The following SNX30 variants were observed in gnomAD, a reference collection of about 807,000 sequenced individuals.
The protein encoded by SNX30 is sorting nexin-30.
In SNX30, 24 loss-of-function variants were observed where a neutral mutation model predicts 46.4. The ratio of observed to expected loss-of-function variants is 0.52; its 90% CI spans 0.37 to 0.73. The LOEUF is 0.73. SNX30 is among the 30% of genes least tolerant of loss of function. The pLI is 0.00. For synonymous variants in SNX30, 189 were observed against 211.5 expected (o/e 0.89, Z 0.92); for missense variants, 533 against 555.7 (o/e 0.96, Z 0.41).
At chr9:112,768,259 A>G (rs1019005628) in intron 1 of SNX30, among the ~76,000 whole-genome samples, 5 of 151,696 alleles carry the variant, frequency 3.3e-5, no homozygotes, top group African/African-American at 1.2e-4. Flanking sequence ...TTGCTTTCCC[A>G]CCCGTGCTAA....
At chr9:112,798,121 CTTTTTT>C (rs57300324) in intron 1 of SNX30, among the ~76,000 whole-genome samples, 1 of 77,884 alleles carries the variant, frequency 1.3e-5, no homozygotes, top group African/African-American at 5.1e-5. Flanking sequence ...TTTTTTTTTT[CTTTTTT>C]TTTTTTTTTT....
chr9:112,751,321 C>T (rs1198137879), intron 1 of SNX30, among the ~76,000 whole-genome samples, 164 bp downstream of exon 1: 1 of 152,178 alleles, frequency 6.6e-6, no homozygotes, highest in Non-Finnish European at 1.5e-5. Context: ...GTCTCCTCTG[C>T]CGCCTCCGCG....
chr9:112,772,459 A>G (rs1478579059), intron 1 of SNX30, among the ~76,000 whole-genome samples: 1 of 152,120 alleles, frequency 6.6e-6, no homozygotes, highest in Non-Finnish European at 1.5e-5. Flanking sequence ...GATAGGCTAG[A>G]CATTGTTTAG....
At chr9:112,837,246 A>G (rs1588133361) in intron 5 of SNX30, among the ~76,000 whole-genome samples, 1 of 151,502 alleles carries the variant, frequency 6.6e-6, no homozygotes, top group East Asian at 2.0e-4. Flanking sequence ...TGTTCCCTCT[A>G]CTTGACCCAC....
chr9:112,882,685 G>T (rs1841595546), downstream of SNX30, among the ~76,000 whole-genome samples: 1 of 152,242 alleles, frequency 6.6e-6, no homozygotes, highest in African/African-American at 2.4e-5. Context: ...TGATTGATTG[G>T]AGGTGGGGGG....
chr9:112,803,977 G>T (rs1202018384), intron 1 of SNX30, among the ~76,000 whole-genome samples: 1 of 134,250 alleles, frequency 7.4e-6, no homozygotes, highest in Non-Finnish European at 1.6e-5. Flanking sequence ...GTGAGGCAAT[G>T]CCTCGCCCTG....
At chr9:112,862,709 C>T (rs1035453553) in intron 7 of SNX30, among the ~76,000 whole-genome samples, 3 of 151,900 alleles carry the variant, frequency 2.0e-5, no homozygotes, top group Admixed American at 2.0e-4. Context: ...CGAGACCAGC[C>T]TGGACAACAT....
intron 1 of SNX30, among the ~76,000 whole-genome samples, chr9:112,763,413 C>T (rs980440671): frequency 1.0e-4 from 11 of 109,160 alleles, no homozygotes; most frequent in South Asian, 6.8e-4. Flanking sequence ...TAGAGAGAGG[C>T]GTCTCACTAT....
In SNX30 at chr9:112,851,105, C is replaced by T. The variant is rs368000580; in HGVS notation, c.1101+160C>T. 3.3e-5 allele frequency among the ~76,000 whole-genome samples: 5 copies of T among 152,292 alleles called. No homozygotes were observed. The highest frequency in any genetic ancestry group is 1.2e-4 in the African/African-American group (5 of 41,558). On this transcript the variant is annotated intron_variant, in intron 7 of 8. Transcript: ENST00000374232. The stretch of plus-strand genomic sequence containing the variant: ...CACTCCCTTTTCTGTCCTATTTCTG[C>T]GAGTTCCTAGTGTTCACTTGGGATT...
chr9:112,838,290 A>G (rs1840796304), intron 5 of SNX30, among the ~76,000 whole-genome samples: 1 of 152,170 alleles, frequency 6.6e-6, no homozygotes, highest in South Asian at 2.1e-4. Context: ...ACGGGATGGA[A>G]TGGATTGATG....
chr9:112,797,870 G>GGT lies in SNX30; in HGVS notation c.157-6905_157-6904dup, dbSNP rs1318647910. Among the ~76,000 whole-genome samples, 481 of 109,036 alleles carry GGT rather than the reference G, an allele frequency of 4.4e-3. 2 individuals carry two copies. Among genetic ancestry groups the GGT allele is most frequent in the Non-Finnish European group, 5.2e-3 (291 of 55,878 alleles). 71.5% of individuals were successfully genotyped at this position (109,036 alleles called of 152,430 possible). ...CACGCCACCGTGCCCAGCTAATATTGGTATTTTTTTTTTTTTTTTTTTTAG... is the reference window on the plus strand; with the variant it reads ...CACGCCACCGTGCCCAGCTAATATTGGTGTATTTTTTTTTTTTTTTTTTTTAG... On this transcript the variant is annotated intron_variant, in intron 1 of 8. Coordinates refer to ENST00000374232, the MANE Select transcript of SNX30 (RefSeq NM_001012994.2).
chr9:112,789,483 G>C (rs936993280), intron 1 of SNX30, among the ~76,000 whole-genome samples: 1 of 152,128 alleles, frequency 6.6e-6, no homozygotes, highest in Non-Finnish European at 1.5e-5. Context: ...CCCAACTAAA[G>C]TTATTTAAAC....
intron 1 of SNX30, among the ~76,000 whole-genome samples, chr9:112,761,055 G>A (rs1839426471): frequency 6.6e-6 from 1 of 152,228 alleles, no homozygotes; most frequent in Non-Finnish European, 1.5e-5. Flanking sequence ...GAGAGACGAG[G>A]TGGGTAGACA....
At chr9:112,779,026 T>C (rs1414249766) in intron 1 of SNX30, among the ~76,000 whole-genome samples, 2 of 152,162 alleles carry the variant, frequency 1.3e-5, no homozygotes, top group Admixed American at 1.3e-4. Context: ...GCTAGGTGAG[T>C]AAGGCATCCC....
intron 8 of SNX30, 142 bp from the exon 9 acceptor site, chr9:112,868,642 G>A: frequency 1.3e-6 from 1 of 796,364 alleles, no homozygotes; most frequent in Non-Finnish European, 2.1e-6. Context: ...GTTTGTAATA[G>A]TTATGGATGA....
chr9:112,820,929 C>T lies in SNX30; in HGVS notation c.459+3114C>T, dbSNP rs111993739. ...TAATACCACATTTTGTCTATTCACC[C>T]TTGATGGACGTTTTGGTTGTTTCAC... On this transcript the variant is annotated intron_variant, in intron 3 of 8. Transcript: ENST00000374232. 8.5e-5 allele frequency among the ~76,000 whole-genome samples: 13 copies of T among 152,238 alleles called. No homozygotes were observed. The East Asian group carries it at 2.5e-3, about 29-fold the overall frequency.
intron 1 of SNX30, among the ~76,000 whole-genome samples, chr9:112,769,205 C>G (rs560005452): frequency 3.1e-4 from 47 of 152,330 alleles, no homozygotes; most frequent in African/African-American, 1.1e-3. Context: ...TGCGGATAAA[C>G]TAGCATGTGA....
chr9:112,845,738 G>A (rs988196942), intron 6 of SNX30, among the ~76,000 whole-genome samples: 1 of 152,196 alleles, frequency 6.6e-6, no homozygotes, highest in Non-Finnish European at 1.5e-5. Flanking sequence ...AACCAGGGTG[G>A]TCCCTCAATG....
intron 1 of SNX30, among the ~76,000 whole-genome samples, chr9:112,761,351 T>C (rs533519612): frequency 5.3e-5 from 8 of 152,104 alleles, no homozygotes; most frequent in Admixed American, 5.2e-4. Flanking sequence ...TTAGTAGAGA[T>C]GGGGTTTCAC....
Sources: gnomAD v4.1 joint callset for allele counts (sites outside exome capture counted in the v4.1 genomes callset) on GRCh38, gnomAD v4.1.1 for gene constraint, MANE v1.5 for transcripts, NCBI Gene and HGNC (gene_info 2026-07-23, HGNC 2026-07-21) for gene names.